Variants in SLC35A1 observed in about 807,000 individuals in gnomAD.
SLC35A1 encodes the protein solute carrier family 35 member A1, also known as CMP-sialic acid transporter.
Under a neutral mutation model 40.3 loss-of-function variants are expected in SLC35A1, and 21 were observed. The ratio of observed to expected loss-of-function variants is 0.52; its 90% CI spans 0.37 to 0.75. The LOEUF is 0.75. Among genes scored for constraint, SLC35A1 ranks in the 30% least tolerant of loss-of-function variants. The pLI is 0.00. For missense variants in SLC35A1, 297 were observed against 382.1 expected, an observed-to-expected ratio of 0.78 and a Z score of 1.86; for synonymous variants, 146 against 147.3, an observed-to-expected ratio of 0.99 and a Z score of 0.06.
At chr6:87,479,509 C>T (rs1472813158) in intron 2 of SLC35A1, among the ~76,000 whole-genome samples, 2 of 152,222 alleles carry the variant, frequency 1.3e-5, no homozygotes, top group Non-Finnish European at 2.9e-5. Flanking sequence ...CCCTGAGCTG[C>T]TGGCTAACTC....
chr6:87,508,276 CATA>C, intron 5 of SLC35A1, 141 bp from the exon 6 acceptor site: 1 of 618,270 alleles, frequency 1.6e-6, no homozygotes, highest in Middle Eastern at 4.3e-4. Context: ...ACACAACCTA[CATA>C]ATAAATGCAC....
At chr6:87,503,189 T>G (rs1769972042) in intron 4 of SLC35A1, among the ~76,000 whole-genome samples, 1 of 152,160 alleles carries the variant, frequency 6.6e-6, no homozygotes, top group Admixed American at 6.5e-5. Context: ...ACATATCATC[T>G]CTCATAGTTT....
rs1443284345 is a variant in SLC35A1 at position 87,504,060 on chromosome 6, G to A, written c.508-2322G>A. 2.0e-5 allele frequency among the ~76,000 whole-genome samples: 3 copies of A among 151,744 alleles called. No homozygotes were observed. The South Asian group carries it at 6.3e-4, about 32-fold the overall frequency. On this transcript the variant is annotated intron_variant, in intron 4 of 7. Coordinates refer to ENST00000369552, the MANE Select transcript of SLC35A1 (RefSeq NM_006416.5). ...ATTTATTTAGCTAGGTAGTCTAGGC[G>A]GGGAGAATTGCTTGAGCCCAGGAGT...
intron 4 of SLC35A1, among the ~76,000 whole-genome samples, chr6:87,502,455 A>G (rs1769948021): frequency 6.6e-6 from 1 of 152,248 alleles, no homozygotes; most frequent in Non-Finnish European, 1.5e-5. Context: ...GTATACTTAC[A>G]CAAATCTAGA....
intron 2 of SLC35A1, among the ~76,000 whole-genome samples, 183 bp from the exon 3 acceptor site, chr6:87,500,325 A>AT (rs983473800): frequency 6.6e-6 from 1 of 152,166 alleles, no homozygotes; most frequent in African/African-American, 2.4e-5. Context: ...CAGAACTATA[A>AT]TTTTTTAAAG....
At chr6:87,490,825 T>A (rs1769530190) in intron 2 of SLC35A1, among the ~76,000 whole-genome samples, 1 of 152,152 alleles carries the variant, frequency 6.6e-6, no homozygotes, top group South Asian at 2.1e-4. Flanking sequence ...ACCTCATGAG[T>A]AGATGTCTTC....
At chr6:87,486,570 T>A (rs1425318106) in intron 2 of SLC35A1, among the ~76,000 whole-genome samples, 1 of 151,994 alleles carries the variant, frequency 6.6e-6, no homozygotes, top group African/African-American at 2.4e-5. Flanking sequence ...CCAAATATTA[T>A]AATAAATAAT....
intron 2 of SLC35A1, among the ~76,000 whole-genome samples, chr6:87,494,508 C>T (rs1454706236): frequency 4.6e-5 from 7 of 151,310 alleles, no homozygotes; most frequent in South Asian, 2.1e-4. Flanking sequence ...TTGCAAGCTC[C>T]GCCTCCTGGG....
intron 1 of SLC35A1, among the ~76,000 whole-genome samples, chr6:87,474,373 GA>G (rs936036040): frequency 3.9e-4 from 59 of 151,706 alleles, no homozygotes; most frequent in Non-Finnish European, 7.4e-4. Context: ...AAACATAACC[GA>G]AAAAAAACAT....
chr6:87,500,208 A>C (rs1167883074), intron 2 of SLC35A1, among the ~76,000 whole-genome samples: 1 of 152,224 alleles, frequency 6.6e-6, no homozygotes, highest in Non-Finnish European at 1.5e-5. Flanking sequence ...ATTTTTTTAT[A>C]GGTAATATCA....
chr6:87,488,348 T>G (rs1429168494), intron 2 of SLC35A1: 1 of 152,206 alleles, frequency 6.6e-6, no homozygotes, highest in Non-Finnish European at 1.5e-5. Context: ...CTGGACAGGA[T>G]AACCAGAAAC....
chr6:87,484,752 T>C (rs897760926), intron 2 of SLC35A1, among the ~76,000 whole-genome samples: 2 of 151,628 alleles, frequency 1.3e-5, no homozygotes, highest in African/African-American at 2.4e-5. Context: ...TGAGTCAGAG[T>C]GGAGAGGGTA....
At chr6:87,497,894 GTTT>G (rs11304517) in intron 2 of SLC35A1, among the ~76,000 whole-genome samples, 2 of 142,982 alleles carry the variant, frequency 1.4e-5, no homozygotes, top group African/African-American at 2.6e-5. Flanking sequence ...ACTCCTGGCA[GTTT>G]TTTTTTTTTT....
intron 2 of SLC35A1, among the ~76,000 whole-genome samples, chr6:87,498,153 G>A (rs1396778927): frequency 1.3e-5 from 2 of 152,148 alleles, no homozygotes; most frequent in African/African-American, 2.4e-5. Context: ...TACACCAGGA[G>A]ATAAATGAAT....
At position 87,509,036 on chromosome 6, in the gene SLC35A1, A is replaced by G. The variant is rs1362087530; in HGVS notation, c.752-5A>G. The G allele has an allele frequency of 3.1e-6, 5 of 1,613,818 alleles. No homozygotes were observed. The highest frequency in any genetic ancestry group is 8.5e-7 in the Non-Finnish European group (1 of 1,179,824). On this transcript the variant is annotated splice_polypyrimidine_tract_variant and splice_region_variant and intron_variant, in intron 6 of 7. Transcript: ENST00000369552. ...GATAAGATTTTATTTCTCTCTGTAT[A>G]CAAGTTCTTGCAAGTGTTGGTGGCC...
chr6:87,480,791 C>T (rs1284698730), intron 2 of SLC35A1, among the ~76,000 whole-genome samples: 1 of 152,112 alleles, frequency 6.6e-6, no homozygotes, highest in Non-Finnish European at 1.5e-5. Context: ...CTTTTCTTAG[C>T]TTTAATTTGG....
intron 2 of SLC35A1, among the ~76,000 whole-genome samples, chr6:87,485,630 G>C (rs1769369530): frequency 6.6e-6 from 1 of 152,044 alleles, no homozygotes; most frequent in Non-Finnish European, 1.5e-5. Context: ...GGGTGTAGTG[G>C]TGTGTGGCTG....
intron 2 of SLC35A1, among the ~76,000 whole-genome samples, chr6:87,483,985 A>G (rs1562019489): frequency 6.6e-6 from 1 of 152,174 alleles, no homozygotes; most frequent in Non-Finnish European, 1.5e-5. Flanking sequence ...ACACAACACC[A>G]CAAGCAGGGT....
At chr6:87,482,738 A>C (rs1169760513) in intron 2 of SLC35A1, among the ~76,000 whole-genome samples, 1 of 152,206 alleles carries the variant, frequency 6.6e-6, no homozygotes, top group Non-Finnish European at 1.5e-5. Context: ...TGCTGGGTTA[A>C]GGGAATTATC....
Sources: gnomAD v4.1 joint callset for allele counts (sites outside exome capture counted in the v4.1 genomes callset) on GRCh38, gnomAD v4.1.1 for gene constraint, MANE v1.5 for transcripts, NCBI Gene and HGNC (gene_info 2026-07-23, HGNC 2026-07-21) for gene names.